The following MID1 variants were observed in gnomAD, a reference collection of about 807,000 sequenced individuals.
The protein encoded by MID1 is E3 ubiquitin-protein ligase Midline-1.
A neutral mutation model predicts 40.4 loss-of-function variants in MID1; 7 were observed. That is an observed-to-expected ratio of 0.17 (90% CI 0.10 to 0.33). The LOEUF is 0.33. MID1 is among the 10% of genes least tolerant of loss of function. The pLI is 1.00. For synonymous variants in MID1, 229 were observed against 221.2 expected (o/e 1.04, Z -0.31); for missense variants, 367 against 558.5 (o/e 0.66, Z 3.46).
intron 1 of MID1, chrX:10,833,418 C>T (rs902324887): frequency 1.8e-5 from 2 of 112,146 alleles, no homozygotes; most frequent in African/African-American, 6.5e-5. Flanking sequence ...TGGAGGTATT[C>T]GCAAAGCATT....
chrX:10,612,040 CTT>C (rs1229113114), intron 1 of MID1, among the ~76,000 whole-genome samples: 2 of 112,031 alleles, frequency 1.8e-5, no homozygotes, highest in Non-Finnish European at 1.9e-5. Context: ...TCTTATCACT[CTT>C]TGTTAGTTAA....
At chrX:10,743,749 A>G (rs1420994976) in intron 1 of MID1, among the ~76,000 whole-genome samples, 1 of 112,190 alleles carries the variant, frequency 8.9e-6, no homozygotes. Context: ...AACGCAGTAG[A>G]GATGTTTGAT....
At chrX:10,532,505 C>G (rs1420334668) in intron 2 of MID1, among the ~76,000 whole-genome samples, 1 of 110,621 alleles carries the variant, frequency 9.0e-6, no homozygotes, top group East Asian at 2.8e-4. Flanking sequence ...CCACTGGACT[C>G]CAGCCTGGGG....
At chrX:10,790,349 A>C (rs775612835) in intron 1 of MID1, among the ~76,000 whole-genome samples, 1 of 108,509 alleles carries the variant, frequency 9.2e-6, no homozygotes, top group East Asian at 2.9e-4. Flanking sequence ...GGGTCTCACT[A>C]TGTTGCCCAG....
chrX:10,699,178 G>A (rs1173494556), intron 1 of MID1, among the ~76,000 whole-genome samples: 1 of 110,992 alleles, frequency 9.0e-6, no homozygotes, highest in East Asian at 2.8e-4. Flanking sequence ...GCAAGGCCCT[G>A]GTCACTGAAT....
At chrX:10,528,449 T>C (rs1329266779) in intron 2 of MID1, among the ~76,000 whole-genome samples, 1 of 111,580 alleles carries the variant, frequency 9.0e-6, no homozygotes, top group East Asian at 2.8e-4. Context: ...GAACAGGGGG[T>C]GGCAAACTTG....
chrX:10,591,822 T>G (rs1276138142), intron 1 of MID1, among the ~76,000 whole-genome samples: 1 of 110,909 alleles, frequency 9.0e-6, no homozygotes, highest in African/African-American at 3.3e-5. Context: ...ATTAGCCCCC[T>G]GGGGTGTTGA....
At chrX:10,746,510 C>A (rs58339379) in intron 1 of MID1, among the ~76,000 whole-genome samples, 6,969 of 111,726 alleles carry the variant, frequency 0.062, 547 homozygotes, top group African/African-American at 0.22. Flanking sequence ...CATTCACATA[C>A]CTTAACTCAC....
chrX:10,517,601 C>T (rs901092301), intron 3 of MID1, among the ~76,000 whole-genome samples: 2 of 112,617 alleles, frequency 1.8e-5, no homozygotes, highest in East Asian at 2.8e-4. Flanking sequence ...AGATGCAACA[C>T]GAAAGCCTTT....
chrX:10,795,945 C>T (rs1023864339), intron 1 of MID1, among the ~76,000 whole-genome samples: 1 of 111,777 alleles, frequency 8.9e-6, no homozygotes, highest in Non-Finnish European at 1.9e-5. Flanking sequence ...ACCCATAAAA[C>T]TTCTTATCTG....
chrX:10,743,906 T>C (rs1227019010), intron 1 of MID1, among the ~76,000 whole-genome samples: 1 of 111,838 alleles, frequency 8.9e-6, no homozygotes, highest in East Asian at 2.8e-4. Flanking sequence ...CCCTTGAAAT[T>C]GGTCATCATT....
rs370113693 is a variant in MID1, at chrX:10,497,029, A to T, written c.757-1338T>A. Reference sequence around the variant, plus strand: ...TGGAACTCAGGCTAATATTTCAAGGAGGATAATCATTAGGCTTCATTTCTC... The same window carrying T: ...TGGAACTCAGGCTAATATTTCAAGGTGGATAATCATTAGGCTTCATTTCTC... On this transcript the variant is annotated intron_variant, in intron 3 of 9. Coordinates refer to ENST00000317552, the MANE Select transcript of MID1 (RefSeq NM_000381.4). 8.0e-5 allele frequency among the ~76,000 whole-genome samples: 9 copies of T among 112,543 alleles called. No individual in the cohort carries two copies. The East Asian group carries it at 2.2e-3, about 28-fold the overall frequency.
At chrX:10,586,633 CCTTTGGTATTTATTAAAGTCACCA>C (rs1935148224) in intron 1 of MID1, among the ~76,000 whole-genome samples, 1 of 112,151 alleles carries the variant, frequency 8.9e-6, no homozygotes, top group Admixed American at 9.4e-5. Context: ...CTAATGATGT[CCTTTGGTATTTATTAAAGTCACCA>C]CAGCATGGGG....
chrX:10,572,660 T>A (rs1187759022), intron 1 of MID1, among the ~76,000 whole-genome samples: 1 of 111,566 alleles, frequency 9.0e-6, no homozygotes, highest in African/African-American at 3.3e-5. Flanking sequence ...AAAAAAAACT[T>A]CTTCATTTCT....
chrX:10,595,762 T>A (rs1935399599), intron 1 of MID1, among the ~76,000 whole-genome samples: 1 of 111,049 alleles, frequency 9.0e-6, no homozygotes, highest in Non-Finnish European at 1.9e-5. Flanking sequence ...GTAGGGTGAC[T>A]ACAGCAAATA....
At chrX:10,728,236 G>C (rs1602541796) in intron 1 of MID1, among the ~76,000 whole-genome samples, 1 of 111,055 alleles carries the variant, frequency 9.0e-6, no homozygotes, top group Non-Finnish European at 1.9e-5. Context: ...ACCTACAAGA[G>C]TTTAGGCAGA....
At chrX:10,726,469 T>C (rs1232843745) in intron 1 of MID1, among the ~76,000 whole-genome samples, 2 of 110,033 alleles carry the variant, frequency 1.8e-5, no homozygotes, top group Admixed American at 1.9e-4. Context: ...GTATTCAGTC[T>C]GTAGCATAAA....
At chrX:10,657,403 A>G (rs756528975) in intron 1 of MID1, among the ~76,000 whole-genome samples, 1 of 111,829 alleles carries the variant, frequency 8.9e-6, no homozygotes, top group Non-Finnish European at 1.9e-5. Context: ...AGCTGGATCT[A>G]TGGAGATGGT....
At chrX:10,667,221 T>C (rs2042956600) in intron 1 of MID1, among the ~76,000 whole-genome samples, 1 of 111,455 alleles carries the variant, frequency 9.0e-6, no homozygotes, top group Non-Finnish European at 1.9e-5. Flanking sequence ...ATCTCCTCTG[T>C]GAAAAAGAGC....
Sources: gnomAD v4.1 joint callset for allele counts (sites outside exome capture counted in the v4.1 genomes callset) on GRCh38, gnomAD v4.1.1 for gene constraint, MANE v1.5 for transcripts, NCBI Gene and HGNC (gene_info 2026-07-23, HGNC 2026-07-21) for gene names.